Variants in STAG2 observed in about 807,000 individuals in gnomAD.
STAG2 encodes cohesin subunit SA-2.
In STAG2, 14 loss-of-function variants were observed where a neutral mutation model predicts 108.1. That is an observed-to-expected ratio of 0.13 (90% confidence interval 0.09 to 0.20). STAG2 has a LOEUF of 0.20. Ranked by LOEUF, STAG2 falls within the 10% of genes least tolerant of loss-of-function variation. The pLI, the probability that STAG2 is intolerant of heterozygous loss-of-function variation, is 1.00. For missense variants in STAG2, 440 were observed against 940.9 expected (o/e 0.47, Z 6.96); for synonymous variants, 307 against 302.7 (o/e 1.01, Z -0.15).
intron 5 of STAG2, among the ~76,000 whole-genome samples, chrX:124,033,924 A>T (rs2057425722): frequency 9.0e-6 from 1 of 111,629 alleles, no homozygotes; most frequent in African/African-American, 3.3e-5. Flanking sequence ...GCATCCTCTT[A>T]CTGTGTCCTC....
intron 27 of STAG2, among the ~76,000 whole-genome samples, chrX:124,078,584 T>A (rs1278909385): frequency 9.0e-6 from 1 of 111,337 alleles, no homozygotes; most frequent in Non-Finnish European, 1.9e-5. Context: ...GTGGTTAACT[T>A]GTTTTGGTAG....
intron 8 of STAG2, among the ~76,000 whole-genome samples, chrX:124,046,233 T>A (rs745832553): frequency 4.5e-5 from 5 of 112,356 alleles, no homozygotes; most frequent in Non-Finnish European, 9.4e-5. Flanking sequence ...TTTATAAGAT[T>A]TTCTCAAAGA....
intron 34 of STAG2, among the ~76,000 whole-genome samples, chrX:124,100,224 T>C (rs1044387957): frequency 9.0e-6 from 1 of 111,648 alleles, no homozygotes; most frequent in African/African-American, 3.2e-5. Flanking sequence ...GTGCCAGAAA[T>C]ATATGTGAAG....
At chrX:124,077,633 T>C (rs538258920) in intron 26 of STAG2, among the ~76,000 whole-genome samples, 7 of 112,201 alleles carry the variant, frequency 6.2e-5, no homozygotes, top group African/African-American at 2.3e-4. Context: ...ATTTTGTTTG[T>C]ACATTTTGTG....
chrX:124,035,688 A>G (rs894945599), intron 5 of STAG2, among the ~76,000 whole-genome samples: 1 of 112,177 alleles, frequency 8.9e-6, no homozygotes, highest in Non-Finnish European at 1.9e-5. Flanking sequence ...TTTAGTGCCT[A>G]GTCTGTAGTG....
upstream of STAG2, chrX:123,961,073 C>T (rs1321262450): frequency 8.9e-6 from 1 of 111,763 alleles, no homozygotes; most frequent in East Asian, 2.9e-4. Context: ...GGGGCAGAGT[C>T]CAGGCGGGAG....
At chrX:124,083,383 A>G in intron 28 of STAG2, 38 bp from the exon 29 acceptor site, 1 of 1,078,277 alleles carries the variant, frequency 9.3e-7, no homozygotes, top group Non-Finnish European at 1.2e-6. Flanking sequence ...ATAGTCCCTC[A>G]AATATTTATT....
At chrX:123,982,787 C>T (rs2054951541) in intron 1 of STAG2, among the ~76,000 whole-genome samples, 1 of 70,843 alleles carries the variant, frequency 1.4e-5, no homozygotes, top group Non-Finnish European at 2.5e-5. Context: ...TTTGCCGTAT[C>T]ATGAACCAAA....
Position 124,101,051 on chromosome X carries a change from G to A in STAG2, c.*454G>A. The A allele has an allele frequency of 6.4e-6, 1 of 155,156 alleles. No individual in the cohort carries two copies. Among genetic ancestry groups the A allele is most frequent in the Non-Finnish European group, 1.3e-5 (1 of 78,795 alleles). 12.8% of individuals were successfully genotyped at this position (155,156 alleles called of 1,213,427 possible). ...TATTTATTCCCCTACCCTGAAGAAAGTGTAGGATAGAATTGTTTTTAGCAT... is the reference window on the plus strand; with the variant it reads ...TATTTATTCCCCTACCCTGAAGAAAATGTAGGATAGAATTGTTTTTAGCAT... On this transcript the variant is annotated 3_prime_UTR_variant, in exon 35 of 35. Transcript: ENST00000371145.
intron 34 of STAG2, among the ~76,000 whole-genome samples, chrX:124,098,481 T>C (rs1004388372): frequency 2.7e-5 from 3 of 111,624 alleles, no homozygotes; most frequent in African/African-American, 9.7e-5. Flanking sequence ...TGTCAAATTC[T>C]GTTTGCCTTT....
chrX:123,971,428 CTAAAA>C (rs2054349874), intron 1 of STAG2, among the ~76,000 whole-genome samples: 1 of 111,587 alleles, frequency 9.0e-6, no homozygotes, highest in African/African-American at 3.3e-5. Context: ...ACTCTTGTCT[CTAAAA>C]TAAAATAAAA....
At chrX:124,066,138 A>C (rs771895829) in intron 21 of STAG2, 37 bp from the exon 22 acceptor site, 1 of 970,188 alleles carries the variant, frequency 1.0e-6, no homozygotes, top group South Asian at 2.5e-5. Flanking sequence ...TTTTAATAAA[A>C]CTTAATTTTT....
intron 1 of STAG2, among the ~76,000 whole-genome samples, chrX:123,984,806 T>A (rs1220110488): frequency 9.1e-6 from 1 of 110,480 alleles, no homozygotes; most frequent in Non-Finnish European, 1.9e-5. Context: ...CCTGGTTCAT[T>A]TTTTGTATTT....
chrX:124,071,441 G>GTA, intron 25 of STAG2, 118 bp downstream of exon 25: 1 of 552,878 alleles, frequency 1.8e-6, no homozygotes, highest in Middle Eastern at 5.1e-4. Context: ...TGAAACACAG[G>GTA]TATATATTCC....
At chrX:124,020,702 T>C (rs1031945561) in intron 1 of STAG2, among the ~76,000 whole-genome samples, 1 of 111,443 alleles carries the variant, frequency 9.0e-6, no homozygotes, top group African/African-American at 3.3e-5. Context: ...AATAAGATTT[T>C]AAAATTTATG....
chrX:124,024,739 T>C (rs939424131), intron 3 of STAG2, among the ~76,000 whole-genome samples: 11 of 111,850 alleles, frequency 9.8e-5, no homozygotes, highest in African/African-American at 3.6e-4. Flanking sequence ...AAAATGGAAA[T>C]AGAAGAAATC....
intron 13 of STAG2, among the ~76,000 whole-genome samples, chrX:124,051,841 T>C (rs752941792): frequency 5.6e-4 from 63 of 112,010 alleles, no homozygotes; most frequent in Middle Eastern, 4.6e-3. Context: ...CCGCCCGCCT[T>C]GGCCTCCCAA....
Position 124,071,244 on chromosome X carries a change from T to C in STAG2, c.2454T>C (p.Asp818=). ...TAGAGCCATTAGTGTATACCCCTGATTCTTCATTGCAGTCTGAGTTGCTCA... is the reference window on the plus strand; with the variant it reads ...TAGAGCCATTAGTGTATACCCCTGACTCTTCATTGCAGTCTGAGTTGCTCA... ...DMLEPLVYTP[D]SSLQSELLSF... Residue 818 remains aspartate, a synonymous_variant, in exon 25 of 35, where the codon GAT becomes GAC. Coordinates refer to ENST00000371145, the MANE Select transcript of STAG2 (RefSeq NM_001042750.2). 8.3e-7 allele frequency: 1 copy of C among 1,207,512 alleles called. No individual in the cohort carries two copies. The highest frequency in any genetic ancestry group is 3.0e-5 in the East Asian group (1 of 33,660).
intron 29 of STAG2, among the ~76,000 whole-genome samples, chrX:124,084,950 A>T: frequency 9.0e-6 from 1 of 111,555 alleles, no homozygotes; most frequent in African/African-American, 3.3e-5. Flanking sequence ...CTACCTCATG[A>T]TCCAGTAATT....
Sources: gnomAD v4.1 joint callset for allele counts (sites outside exome capture counted in the v4.1 genomes callset) on GRCh38, gnomAD v4.1.1 for gene constraint, MANE v1.5 for transcripts, NCBI Gene and HGNC (gene_info 2026-07-23, HGNC 2026-07-21) for gene names.